MED21: variants seen among roughly 807,000 people sequenced by gnomAD.
MED21 encodes mediator complex subunit 21, also known as mediator of RNA polymerase II transcription subunit 21.
MED21 carries 9 observed loss-of-function variants against 18.2 expected under a neutral mutation model. That is an observed-to-expected ratio of 0.49 (90% CI 0.30 to 0.86). The LOEUF (loss-of-function observed/expected upper bound fraction) is 0.86. Among genes scored for constraint, MED21 ranks in the 40% least tolerant of loss-of-function variants. MED21 has a pLI of 0.07. For synonymous variants in MED21, 73 were observed against 60.5 expected (o/e 1.21, Z -0.96); for missense variants, 150 against 170.9 (o/e 0.88, Z 0.68).
chr12:27,026,991 C>G (rs568983090), intron 2 of MED21, among the ~76,000 whole-genome samples: 2 of 152,080 alleles, frequency 1.3e-5, no homozygotes, highest in East Asian at 3.9e-4. Context: ...TGCAGTGATG[C>G]AATCTTGGCT....
rs945479823 is a variant in MED21 at position 27,030,335 on chromosome 12, C to G, written c.*1874C>G. On this transcript the variant is annotated 3_prime_UTR_variant, in exon 4 of 4. Transcript: ENST00000282892. ...TTTTTTTTAGAGATGGGGTCTCACT[C>G]TGTTGCCCAGGCTAATGCCAAACTG... 2.2e-6 allele frequency: 1 copy of G among 452,206 alleles called. No homozygotes were observed. Among genetic ancestry groups the G allele is most frequent in the East Asian group, 3.2e-5 (1 of 31,474 alleles). 28.0% of individuals were successfully genotyped at this position (452,206 alleles called of 1,614,324 possible). A position where few individuals can be genotyped will look rare whatever the true frequency, so the allele number is the denominator to read the frequency against.
downstream of MED21, among the ~76,000 whole-genome samples, chr12:27,035,086 A>G (rs775249606): frequency 2.8e-4 from 43 of 152,260 alleles, no homozygotes; most frequent in Non-Finnish European, 5.1e-4. Flanking sequence ...TTGGTAGTGC[A>G]TGCCTGAAGT....
At chr12:27,031,170 G>A (rs554899925), downstream of MED21, among the ~76,000 whole-genome samples, 4 of 152,144 alleles carry the variant, frequency 2.6e-5, no homozygotes, top group Non-Finnish European at 5.9e-5. Context: ...GCCTCCCAAA[G>A]TGCTGGGATT....
chr12:27,032,368 G>T (rs1941625455), downstream of MED21, among the ~76,000 whole-genome samples: 1 of 152,200 alleles, frequency 6.6e-6, no homozygotes, highest in African/African-American at 2.4e-5. Context: ...TTGGCTTGAT[G>T]ATGCATTGTG....
rs184442355 is a variant in MED21 at position 27,029,106 on chromosome 12, A to G, written c.*645A>G. 18 of 985,400 alleles carry G rather than the reference A, an allele frequency of 1.8e-5. No individual in the cohort carries two copies. Among genetic ancestry groups the G allele is most frequent in the Admixed American group, 1.2e-4 (2 of 16,286 alleles). 61.0% of individuals were successfully genotyped at this position (985,400 alleles called of 1,614,324 possible). A position where few individuals can be genotyped will look rare whatever the true frequency, so the allele number is the denominator to read the frequency against. On this transcript the variant is annotated 3_prime_UTR_variant, in exon 4 of 4. Coordinates refer to ENST00000282892, the MANE Select transcript of MED21 (RefSeq NM_004264.5). The stretch of plus-strand genomic sequence containing the variant: ...GGCTGTTGTGAAAGAATTTTTCTAC[A>G]TCCTGAACTATTTTTCCTATTTCTT...
rs1198778617 is a variant in MED21, at chr12:27,030,162, A to G, written c.*1701A>G. ...TCTTGTTTCTGTTTTTTTAAGGTGA[A>G]GTCTCTGTCACCCAAGCTGAAGTGC... is the stretch of plus-strand genomic sequence containing the variant. On this transcript the variant is annotated 3_prime_UTR_variant, in exon 4 of 4. Transcript: ENST00000282892. The G allele has an allele frequency of 4.6e-6, 3 of 653,772 alleles. No homozygotes were observed. The highest frequency in any genetic ancestry group is 1.8e-5 in the African/African-American group (1 of 55,796). 40.5% of individuals were successfully genotyped at this position (653,772 alleles called of 1,614,324 possible).
intron 3 of MED21, among the ~76,000 whole-genome samples, chr12:27,027,793 C>T (rs763098104): frequency 6.6e-6 from 1 of 152,214 alleles, no homozygotes; most frequent in African/African-American, 2.4e-5. Flanking sequence ...TTTAAGGGTA[C>T]TAATTCCATC....
At position 27,029,006 on chromosome 12, in the gene MED21, G is replaced by C; in HGVS notation, c.*545G>C. 1.0e-6 allele frequency: 1 copy of C among 985,342 alleles called. No homozygotes were observed. Among genetic ancestry groups the C allele is most frequent in the Non-Finnish European group, 1.2e-6 (1 of 829,862 alleles). The allele number at this position is 985,342 out of a possible 1,614,324, so 61.0% of individuals were successfully genotyped here. A position where few individuals can be genotyped will look rare whatever the true frequency, so the allele number is the denominator to read the frequency against. ...TCACATTTATGCAAATGTTTCTTCT[G>C]CTAGAACCTCATACCTGTTCTAGTT... On this transcript the variant is annotated 3_prime_UTR_variant, in exon 4 of 4. Coordinates refer to ENST00000282892, the MANE Select transcript of MED21 (RefSeq NM_004264.5).
chr12:27,027,978 C>A (rs1308008467), intron 3 of MED21, among the ~76,000 whole-genome samples: 2 of 152,284 alleles, frequency 1.3e-5, no homozygotes, highest in Non-Finnish European at 2.9e-5. Flanking sequence ...TTATTTTCCT[C>A]AATTTTGTCT....
At chr12:27,036,547 T>C (rs1305807210) in intron 2 of MED21, among the ~76,000 whole-genome samples, 3 of 152,240 alleles carry the variant, frequency 2.0e-5, no homozygotes, top group Admixed American at 6.5e-5. Flanking sequence ...GTCTAGGTTT[T>C]CTTCTAGGGT....
intron 1 of MED21, 157 bp downstream of exon 1, chr12:27,022,778 G>A (rs762062836): frequency 6.5e-7 from 1 of 1,529,728 alleles, no homozygotes; most frequent in East Asian, 2.5e-5. Flanking sequence ...CCGCGAACTC[G>A]GAGGTTTGAG....
At chr12:27,027,557 C>T in intron 3 of MED21, 110 bp downstream of exon 3, 1 of 702,036 alleles carries the variant, frequency 1.4e-6, no homozygotes, top group Non-Finnish European at 2.4e-6. Flanking sequence ...TAACAACATA[C>T]CTGAGACAGT....
downstream of MED21, among the ~76,000 whole-genome samples, chr12:27,032,148 A>G (rs999369322): frequency 6.6e-6 from 1 of 152,180 alleles, no homozygotes; most frequent in African/African-American, 2.4e-5. Flanking sequence ...TTGAAGGACC[A>G]CAGACTCTAC....
At position 27,029,909 on chromosome 12, in the gene MED21, A is replaced by C. The variant is rs986273577; in HGVS notation, c.*1448A>C. 27 of 618,336 alleles carry C rather than the reference A, an allele frequency of 4.4e-5. No individual in the cohort carries two copies. The highest frequency in any genetic ancestry group is 5.5e-5 in the Non-Finnish European group (27 of 494,720). The allele number at this position is 618,336 out of a possible 1,614,324, so 38.3% of individuals were successfully genotyped here. A position where few individuals can be genotyped will look rare whatever the true frequency, so the allele number is the denominator to read the frequency against. On this transcript the variant is annotated 3_prime_UTR_variant, in exon 4 of 4. Coordinates refer to ENST00000282892, the MANE Select transcript of MED21 (RefSeq NM_004264.5). ...AAATGAGGGAAAACTAACAGGATTT[A>C]TCACTAGTAAACCTGCTCTAAAAGA...
In MED21 at chr12:27,030,029, A is replaced by G. The variant is rs146349232; in HGVS notation, c.*1568A>G. 8.7e-5 allele frequency: 38 copies of G among 439,238 alleles called. No homozygotes were observed. Among genetic ancestry groups the G allele is most frequent in the African/African-American group, 6.6e-4 (33 of 50,178 alleles). The allele number at this position is 439,238 out of a possible 1,614,324, so 27.2% of individuals were successfully genotyped here. On this transcript the variant is annotated 3_prime_UTR_variant, in exon 4 of 4. Transcript: ENST00000282892. The stretch of plus-strand genomic sequence containing the variant: ...AAGGCATAATGTATAGGGTAAATAT[A>G]ATAGACTTCTCTTGAGGTTTTAAAA...
chr12:27,035,763 T>C (rs1318662007), intron 2 of MED21, among the ~76,000 whole-genome samples: 6 of 151,946 alleles, frequency 3.9e-5, no homozygotes, highest in Admixed American at 3.3e-4. Context: ...ACAAAGGACA[T>C]GAACTCATCA....
chr12:27,036,764 T>C (rs891213901), intron 2 of MED21, among the ~76,000 whole-genome samples: 1 of 152,236 alleles, frequency 6.6e-6, no homozygotes, highest in African/African-American at 2.4e-5. Context: ...TGTGGCGTTA[T>C]TTCTGAGGCC....
chr12:27,028,996 T>C lies in MED21; in HGVS notation c.*535T>C, dbSNP rs887761850. On this transcript the variant is annotated 3_prime_UTR_variant, in exon 4 of 4. Transcript: ENST00000282892. ...GATAAGAAAGTCACATTTATGCAAA[T>C]GTTTCTTCTGCTAGAACCTCATACC... is the stretch of plus-strand genomic sequence containing the variant. 2 of 985,396 alleles carry C rather than the reference T, an allele frequency of 2.0e-6. No homozygotes were observed. The highest frequency in any genetic ancestry group is 1.7e-5 in the African/African-American group (1 of 57,258). The allele number at this position is 985,396 out of a possible 1,614,324, so 61.0% of individuals were successfully genotyped here.
chr12:27,037,841 A>G (rs1314724200), intron 2 of MED21: 1 of 152,238 alleles, frequency 6.6e-6, no homozygotes, highest in African/African-American at 2.4e-5. Context: ...GTAATTTGCC[A>G]TTCTAACAGA....
Sources: gnomAD v4.1 joint callset for allele counts (sites outside exome capture counted in the v4.1 genomes callset) on GRCh38, gnomAD v4.1.1 for gene constraint, MANE v1.5 for transcripts, NCBI Gene and HGNC (gene_info 2026-07-23, HGNC 2026-07-21) for gene names.